TSPAN9: variants seen among roughly 807,000 people sequenced by gnomAD.
TSPAN9 encodes the protein tetraspanin 9.
TSPAN9 carries 16 observed loss-of-function variants against 31.0 expected under a neutral mutation model. The ratio of observed to expected loss-of-function variants is 0.52; its 90% CI spans 0.35 to 0.78. The LOEUF (loss-of-function observed/expected upper bound fraction) is 0.78. TSPAN9 is among the 30% of genes least tolerant of loss of function. TSPAN9 has a pLI of 0.01. For synonymous variants in TSPAN9, 145 were observed against 121.6 expected, an observed-to-expected ratio of 1.19 and a Z score of -1.27; for missense variants, 272 against 312.5, an observed-to-expected ratio of 0.87 and a Z score of 0.98.
At position 3,247,299 on chromosome 12, in the gene TSPAN9, GCCCC is replaced by G. The variant is rs61516990; in HGVS notation, c.64-31112_64-31109del. ...TGTGGCTGATGAGCATTACTGGCCA[GCCCC>G]CCCCCCCCCGCCACCCGCGTCCCCA... On this transcript the variant is annotated intron_variant, in intron 3 of 8. Coordinates refer to ENST00000011898, the MANE Select transcript of TSPAN9 (RefSeq NM_006675.5). Among the ~76,000 whole-genome samples, 6 of 37,392 alleles carry G rather than the reference GCCCC, an allele frequency of 1.6e-4. 2 individuals carry two copies. The highest frequency in any genetic ancestry group is 1.3e-3 in the East Asian group (3 of 2,350). 24.5% of individuals were successfully genotyped at this position (37,392 alleles called of 152,430 possible). A position where few individuals can be genotyped will look rare whatever the true frequency, so the allele number is the denominator to read the frequency against.
At chr12:3,242,838 A>T (rs552481240) in intron 3 of TSPAN9, among the ~76,000 whole-genome samples, 5 of 152,246 alleles carry the variant, frequency 3.3e-5, no homozygotes, top group African/African-American at 9.6e-5. Flanking sequence ...TCCTCCCAGG[A>T]TTTTGAGTTG....
chr12:3,115,259 A>G (rs2098321640), intron 2 of TSPAN9, among the ~76,000 whole-genome samples: 1 of 152,192 alleles, frequency 6.6e-6, no homozygotes, highest in Admixed American at 6.5e-5. Context: ...TCAGAATTCC[A>G]TTCCTTTTTA....
chr12:3,126,349 C>G (rs2098327360), intron 2 of TSPAN9, among the ~76,000 whole-genome samples: 2 of 152,190 alleles, frequency 1.3e-5, no homozygotes, highest in Admixed American at 6.5e-5. Flanking sequence ...TACGGCACAC[C>G]TAGGCTCTAG....
At chr12:3,089,656 C>T (rs1310985558) in intron 2 of TSPAN9, among the ~76,000 whole-genome samples, 1 of 152,066 alleles carries the variant, frequency 6.6e-6, no homozygotes, top group Non-Finnish European at 1.5e-5. Context: ...TATGCCTGTA[C>T]TCCCAGCACT....
At chr12:3,133,367 A>G (rs1359621944) in intron 2 of TSPAN9, among the ~76,000 whole-genome samples, 2 of 148,630 alleles carry the variant, frequency 1.3e-5, no homozygotes, top group African/African-American at 5.0e-5. Flanking sequence ...TTACTTTAAA[A>G]TAAGACTCAA....
chr12:3,089,517 G>A lies in TSPAN9; in HGVS notation c.-18+5798G>A, dbSNP rs56260115. The stretch of plus-strand genomic sequence containing the variant: ...TTACCGTGTTGGCCAGGGTGGTCTC[G>A]ATCTCCTGACCTCGTGATCCGCCCT... On this transcript the variant is annotated intron_variant, in intron 2 of 8. Transcript: ENST00000011898. Among the ~76,000 whole-genome samples the A allele has an allele frequency of 6.5e-4, 98 of 151,848 alleles. 1 individual carries two copies. Among genetic ancestry groups the A allele is most frequent in the East Asian group, 3.6e-3 (18 of 5,056 alleles).
At chr12:3,115,553 G>A (rs527671926) in intron 2 of TSPAN9, among the ~76,000 whole-genome samples, 30 of 152,350 alleles carry the variant, frequency 2.0e-4, no homozygotes, top group African/African-American at 6.7e-4. Flanking sequence ...CAGTTCTGGA[G>A]GCTGGGGGTC....
At position 3,116,940 on chromosome 12, in the gene TSPAN9, C is replaced by T. The variant is rs565277682; in HGVS notation, c.-18+33221C>T. ...TTGTTTCCTGGACTCATCCTCAGCCCGAGGTGGCTCTGAGGGGTAGAGGGA... is the reference window on the plus strand; with the variant it reads ...TTGTTTCCTGGACTCATCCTCAGCCTGAGGTGGCTCTGAGGGGTAGAGGGA... On this transcript the variant is annotated intron_variant, in intron 2 of 8. Transcript: ENST00000011898. Among the ~76,000 whole-genome samples the T allele has an allele frequency of 4.6e-5, 7 of 152,120 alleles. No homozygotes were observed. The South Asian group carries it at 8.3e-4, about 18-fold the overall frequency.
intron 2 of TSPAN9, among the ~76,000 whole-genome samples, chr12:3,199,823 C>G (rs778346017): frequency 1.1e-4 from 16 of 152,214 alleles, no homozygotes; most frequent in Non-Finnish European, 1.9e-4. Flanking sequence ...GGTCCCTTCT[C>G]CCTGTGCGCC....
chr12:3,238,926 T>A (rs368705142), intron 3 of TSPAN9, among the ~76,000 whole-genome samples: 20 of 152,246 alleles, frequency 1.3e-4, no homozygotes, highest in African/African-American at 4.3e-4. Context: ...TCTCTCTGGT[T>A]TCCCTGAGAA....
intron 3 of TSPAN9, among the ~76,000 whole-genome samples, chr12:3,216,547 T>C: frequency 6.6e-6 from 1 of 152,116 alleles, no homozygotes; most frequent in East Asian, 1.9e-4. Flanking sequence ...ATCTCGTCAG[T>C]GGGGAGGCTT....
At chr12:3,208,127 T>C (rs2098376293) in intron 3 of TSPAN9, among the ~76,000 whole-genome samples, 1 of 152,234 alleles carries the variant, frequency 6.6e-6, no homozygotes, top group African/African-American at 2.4e-5. Flanking sequence ...TTAGTATTAC[T>C]GTCGCTCCTG....
At chr12:3,220,140 T>C (rs1003906431) in intron 3 of TSPAN9, among the ~76,000 whole-genome samples, 2 of 52,776 alleles carry the variant, frequency 3.8e-5, no homozygotes, top group African/African-American at 5.8e-5. Context: ...AGCGAAACTC[T>C]GTCTCAAAAA....
At chr12:3,262,357 T>C (rs1007055562) in intron 3 of TSPAN9, among the ~76,000 whole-genome samples, 2 of 149,170 alleles carry the variant, frequency 1.3e-5, no homozygotes, top group Non-Finnish European at 3.0e-5. Context: ...TCCTCGGCTC[T>C]CTCTGGCTGC....
chr12:3,209,250 TA>T (rs2098377055), intron 3 of TSPAN9, among the ~76,000 whole-genome samples: 1 of 139,744 alleles, frequency 7.2e-6, no homozygotes, highest in Non-Finnish European at 1.6e-5. Context: ...AAAAAAAAAA[TA>T]AAAAACTAAA....
intron 2 of TSPAN9, among the ~76,000 whole-genome samples, chr12:3,190,156 G>A (rs1026856260): frequency 1.3e-5 from 2 of 152,222 alleles, no homozygotes; most frequent in South Asian, 2.1e-4. Flanking sequence ...GAGGGAGGCA[G>A]CAGGCAGCAG....
intron 2 of TSPAN9, among the ~76,000 whole-genome samples, chr12:3,178,762 G>T (rs2153970985): frequency 6.6e-6 from 1 of 152,336 alleles, no homozygotes; most frequent in South Asian, 2.1e-4. Flanking sequence ...TCTGGGTGGG[G>T]GTACAGGTGG....
chr12:3,095,525 G>A (rs2098307805), intron 2 of TSPAN9, among the ~76,000 whole-genome samples: 1 of 121,372 alleles, frequency 8.2e-6, no homozygotes, highest in Non-Finnish European at 1.8e-5. Context: ...CTCCCTCCCG[G>A]ACGGGGCGGC....
At chr12:3,198,329 C>T (rs1591671767) in intron 2 of TSPAN9, among the ~76,000 whole-genome samples, 3 of 118,312 alleles carry the variant, frequency 2.5e-5, no homozygotes, top group Admixed American at 9.4e-5. Context: ...TCAGCACAGG[C>T]CACCACCAGC....
Sources: gnomAD v4.1 joint callset for allele counts (sites outside exome capture counted in the v4.1 genomes callset) on GRCh38, gnomAD v4.1.1 for gene constraint, MANE v1.5 for transcripts, NCBI Gene and HGNC (gene_info 2026-07-23, HGNC 2026-07-21) for gene names.